EFCAB8: variants seen among roughly 807,000 people sequenced by gnomAD.
EFCAB8 encodes the protein EF-hand calcium-binding domain-containing protein 8.
In EFCAB8, 100 loss-of-function variants were observed where a neutral mutation model predicts 116.3. That is an observed-to-expected ratio of 0.86 (90% CI 0.73 to 1.02). EFCAB8 has a LOEUF of 1.02. EFCAB8 is among the 50% of genes least tolerant of loss of function. EFCAB8 has a pLI of 0.00. For synonymous variants in EFCAB8, 558 were observed against 567.9 expected, an observed-to-expected ratio of 0.98 and a Z score of 0.25; for missense variants, 1,320 against 1,416.9, an observed-to-expected ratio of 0.93 and a Z score of 1.10.
chr20:32,893,175 TCTGA>T lies in EFCAB8; in HGVS notation c.763_766del (p.Asp255IlefsTer23). Reference sequence around the variant, plus strand: ...TCTTCCGTCTCCATCTTTCTGCAGGTCTGACTATCACAGAGGTGTGTTCTGCTAT... The same window carrying T: ...TCTTCCGTCTCCATCTTTCTGCAGGTCTATCACAGAGGTGTGTTCTGCTAT... On this transcript the variant is annotated frameshift_variant and splice_region_variant, in exon 9 of 27. Coordinates refer to ENST00000400522, the MANE Select transcript of EFCAB8 (RefSeq NM_001143967.2). LOFTEE classifies it high-confidence loss of function. The T allele has an allele frequency of 6.4e-7, 1 of 1,551,854 alleles. No homozygotes were observed. The highest frequency in any genetic ancestry group is 8.7e-7 in the Non-Finnish European group (1 of 1,146,984).
chr20:32,899,103 T>A (rs1175177983), intron 11 of EFCAB8, among the ~76,000 whole-genome samples: 1 of 152,122 alleles, frequency 6.6e-6, no homozygotes, highest in Admixed American at 6.5e-5. Flanking sequence ...AACTAGTTAG[T>A]CACCGGGCGC....
Position 32,911,596 on chromosome 20 carries a change from G to T in EFCAB8, c.1674G>T (p.Leu558=). The T allele has an allele frequency of 6.4e-7, 1 of 1,551,306 alleles. No individual in the cohort carries two copies. Among genetic ancestry groups the T allele is most frequent in the Non-Finnish European group, 8.7e-7 (1 of 1,146,714 alleles). Residue 558 remains leucine (L), a synonymous_variant, in exon 16 of 27, where the codon CTG becomes CTT. Coordinates refer to ENST00000400522, the MANE Select transcript of EFCAB8 (RefSeq NM_001143967.2). Reference sequence around the variant, plus strand: ...ACGTGGAGATGACCGCCATGGCCCTGGATGAGTCAGAGCGGTGCCTGCTCA... The same window carrying T: ...ACGTGGAGATGACCGCCATGGCCCTTGATGAGTCAGAGCGGTGCCTGCTCA... ...GQHVEMTAMA[L]DESERCLLTG...
chr20:32,958,591 A>C (rs1463221008), intron 24 of EFCAB8, 41 bp downstream of exon 24: 1 of 413,254 alleles, frequency 2.4e-6, no homozygotes, highest in East Asian at 3.6e-5. Flanking sequence ...TGGCCTGAGG[A>C]GGGAGAGGCT....
At chr20:32,923,379 G>A (rs946196252) in intron 20 of EFCAB8, among the ~76,000 whole-genome samples, 8 of 152,060 alleles carry the variant, frequency 5.3e-5, no homozygotes, top group African/African-American at 7.2e-5. Context: ...CCAGCTAGTC[G>A]GGAGGCAGAG....
chr20:32,961,448 A>G lies in EFCAB8; in HGVS notation c.3706A>G (p.Thr1236Ala). 2 of 1,455,156 alleles carry G rather than the reference A, an allele frequency of 1.4e-6. No individual in the cohort carries two copies. The highest frequency in any genetic ancestry group is 1.8e-6 in the Non-Finnish European group (2 of 1,101,584). The allele number at this position is 1,455,156 out of a possible 1,614,324, so 90.1% of individuals were successfully genotyped here. ...CTTGCTGCGGCCCCAGTCAGCCTCC[A>G]CAGCCCATTCCACCCCCTCGGTCCC... ...SFLLRPQSAS[T>A]AHSTPSVPSP... The change falls in exon 27 of 27, where the codon ACA (threonine) becomes GCA (alanine). Residue 1236 changes from threonine (T) to alanine (A), a missense_variant. By Grantham distance (58) the Thr-to-Ala change is moderately conservative (BLOSUM62 0). Coordinates refer to ENST00000400522, the MANE Select transcript of EFCAB8 (RefSeq NM_001143967.2).
At position 32,878,816 on chromosome 20, in the gene EFCAB8, C is replaced by A. The variant is rs772851239; in HGVS notation, c.431+9C>A. On this transcript the variant is annotated intron_variant, in intron 5 of 26. Coordinates refer to ENST00000400522, the MANE Select transcript of EFCAB8 (RefSeq NM_001143967.2). ...ATGACGGTCGTCCCCCTGTAAGGAGCCTCTTCCTGGGCCTTGGTGGGTGGG... is the reference window on the plus strand; with the variant it reads ...ATGACGGTCGTCCCCCTGTAAGGAGACTCTTCCTGGGCCTTGGTGGGTGGG... 6.4e-7 allele frequency: 1 copy of A among 1,551,000 alleles called. No individual in the cohort carries two copies. The highest frequency in any genetic ancestry group is 8.7e-7 in the Non-Finnish European group (1 of 1,146,112).
chr20:32,873,976 A>C lies in EFCAB8; in HGVS notation c.209-1950A>C, dbSNP rs1237401971. Among the ~76,000 whole-genome samples, 4 of 151,344 alleles carry C rather than the reference A, an allele frequency of 2.6e-5. No individual in the cohort carries two copies. In the East Asian group the frequency reaches 7.9e-4, roughly 30 times the overall value. The stretch of plus-strand genomic sequence containing the variant: ...TACTCTGTTATCCAGGCTGGAGTGC[A>C]GTGGTGAAATCTCTGCTCACTGCAA... On this transcript the variant is annotated intron_variant, in intron 3 of 26. Coordinates refer to ENST00000400522, the MANE Select transcript of EFCAB8 (RefSeq NM_001143967.2).
chr20:32,860,510 TTTTTTTTTTTTTTTG>T, intron 1 of EFCAB8, among the ~76,000 whole-genome samples: 1 of 139,374 alleles, frequency 7.2e-6, no homozygotes, highest in Non-Finnish European at 1.5e-5. Context: ...TTTTTTTTTT[TTTTTTTTTTTTTTTG>T]AGATGGAGTC....
intron 2 of EFCAB8, 69 bp from the exon 3 acceptor site, chr20:32,867,513 A>T: frequency 6.7e-7 from 1 of 1,485,350 alleles, no homozygotes. Flanking sequence ...TCTTTAAATC[A>T]TGTGCTGAAA....
At chr20:32,908,979 T>C (rs1475407778) in intron 14 of EFCAB8, among the ~76,000 whole-genome samples, 2 of 152,160 alleles carry the variant, frequency 1.3e-5, no homozygotes, top group Non-Finnish European at 2.9e-5. Flanking sequence ...ACGAGGGGCT[T>C]CCTGTGGAGG....
At chr20:32,951,302 T>C (rs1891868) in intron 23 of EFCAB8, among the ~76,000 whole-genome samples, 51,052 of 152,082 alleles carry the variant, frequency 0.34, 9,424 homozygotes, top group African/African-American at 0.45. Context: ...AATAGTTGAG[T>C]TGATAAACTA....
Position 32,909,805 on chromosome 20 carries a change from C to A in EFCAB8, c.1447-16C>A. 8.1e-7 allele frequency: 1 copy of A among 1,230,924 alleles called. No homozygotes were observed. The highest frequency in any genetic ancestry group is 1.0e-6 in the Non-Finnish European group (1 of 971,030). 76.3% of individuals were successfully genotyped at this position (1,230,924 alleles called of 1,614,324 possible). A position where few individuals can be genotyped will look rare whatever the true frequency, so the allele number is the denominator to read the frequency against. On this transcript the variant is annotated splice_polypyrimidine_tract_variant and intron_variant, in intron 14 of 26. Transcript: ENST00000400522. ...CTTCTGACAGACAAGCTCTCTGCCC[C>A]TTTCCTCACCTACAGATCGGGATCC... is the stretch of plus-strand genomic sequence containing the variant.
intron 1 of EFCAB8, among the ~76,000 whole-genome samples, chr20:32,862,443 T>TTGC (rs1442786754): frequency 2.0e-5 from 3 of 152,102 alleles, no homozygotes; most frequent in Non-Finnish European, 4.4e-5. Context: ...CTTTCCCTCT[T>TTGC]TGCTCCTTTT....
At chr20:32,901,295 A>G (rs755935919) in intron 11 of EFCAB8, among the ~76,000 whole-genome samples, 65 of 152,246 alleles carry the variant, frequency 4.3e-4, no homozygotes, top group Non-Finnish European at 9.3e-4. Context: ...CACACATAAA[A>G]TACACTGACA....
intron 23 of EFCAB8, among the ~76,000 whole-genome samples, chr20:32,951,832 A>G (rs911486903): frequency 6.6e-6 from 1 of 152,226 alleles, no homozygotes; most frequent in Non-Finnish European, 1.5e-5. Context: ...TGCCATTAAA[A>G]AAAACTGTGT....
At position 32,958,804 on chromosome 20, in the gene EFCAB8, C is replaced by G. The variant is rs200141261; in HGVS notation, c.3089+254C>G. ...AGTGAAAGGGGAAAATACAAAAACC[C>G]AAGTGCTTGGATGGGGCCCTGTCCC... On this transcript the variant is annotated intron_variant, in intron 24 of 26. Coordinates refer to ENST00000400522, the MANE Select transcript of EFCAB8 (RefSeq NM_001143967.2). Among the ~76,000 whole-genome samples, 5 of 152,324 alleles carry G rather than the reference C, an allele frequency of 3.3e-5. No individual in the cohort carries two copies. In the East Asian group the frequency reaches 9.7e-4, roughly 29 times the overall value.
rs980465398 is a variant in EFCAB8, at chr20:32,878,394, CT to C, written c.328-309del. Among the ~76,000 whole-genome samples the C allele has an allele frequency of 4.5e-4, 68 of 151,960 alleles. 1 individual carries two copies. Among genetic ancestry groups the C allele is most frequent in the African/African-American group, 1.6e-3 (66 of 41,536 alleles). ...AGTGACAAACAGAGAAAGAGCAGGT[CT>C]GTTGCTTGGCCACCTGCCCTGGCCA... On this transcript the variant is annotated intron_variant, in intron 4 of 26. Transcript: ENST00000400522.
intron 19 of EFCAB8, among the ~76,000 whole-genome samples, chr20:32,919,695 C>T (rs946919361): frequency 5.9e-5 from 9 of 152,038 alleles, no homozygotes; most frequent in African/African-American, 2.2e-4. Context: ...GACGGGGTTT[C>T]ACCATGTTGG....
At position 32,889,297 on chromosome 20, in the gene EFCAB8, C is replaced by T; in HGVS notation, c.568-4C>T. Reference sequence around the variant, plus strand: ...CCCATCTCCTCTGCTCTTCCTCTGGCCAGCTTAACCAGACCCAGCAGCTCT... The same window carrying T: ...CCCATCTCCTCTGCTCTTCCTCTGGTCAGCTTAACCAGACCCAGCAGCTCT... On this transcript the variant is annotated splice_region_variant and splice_polypyrimidine_tract_variant and intron_variant, in intron 6 of 26. Transcript: ENST00000400522. 6.4e-7 allele frequency: 1 copy of T among 1,551,496 alleles called. No individual in the cohort carries two copies. The highest frequency in any genetic ancestry group is 1.2e-5 in the South Asian group (1 of 84,040).
Sources: gnomAD v4.1 joint callset for allele counts (sites outside exome capture counted in the v4.1 genomes callset) on GRCh38, gnomAD v4.1.1 for gene constraint, MANE v1.5 for transcripts, NCBI Gene and HGNC (gene_info 2026-07-23, HGNC 2026-07-21) for gene names.